The following ABCB10 variants were observed in gnomAD, a reference collection of about 807,000 sequenced individuals.
ABCB10 encodes ATP-binding cassette sub-family B member 10, mitochondrial.
A neutral mutation model predicts 65.4 loss-of-function variants in ABCB10; 54 were observed. That is an observed-to-expected ratio of 0.83 (90% CI 0.66 to 1.04). ABCB10 has a LOEUF of 1.04. ABCB10 is among the 50% of genes least tolerant of loss of function. The probability of loss-of-function intolerance (pLI) is 0.00; values close to 1 mark genes in which losing one functional copy is unlikely to be tolerated. For missense variants in ABCB10, 846 were observed against 976.6 expected, an observed-to-expected ratio of 0.87 and a Z score of 1.78; for synonymous variants, 418 against 406.5, an observed-to-expected ratio of 1.03 and a Z score of -0.34.
intron 8 of ABCB10, 75 bp from the exon 9 acceptor site, chr1:229,527,383 G>A (rs576728886): frequency 5.2e-6 from 7 of 1,341,494 alleles, no homozygotes; most frequent in Non-Finnish European, 6.3e-6. Context: ...AGGATCCGGT[G>A]GGAAAATTCC....
chr1:229,523,648 C>T (rs185214305), intron 10 of ABCB10, among the ~76,000 whole-genome samples: 2 of 152,066 alleles, frequency 1.3e-5, no homozygotes, highest in African/African-American at 2.4e-5. Flanking sequence ...CCAATCAGTA[C>T]CCTGGGAATC....
At chr1:229,532,659 T>C (rs919220402) in intron 6 of ABCB10, among the ~76,000 whole-genome samples, 18 of 151,320 alleles carry the variant, frequency 1.2e-4, no homozygotes, top group Middle Eastern at 6.9e-3. Flanking sequence ...GGTGGGAGGA[T>C]TGCTAGAGCC....
chr1:229,526,769 C>A (rs1662455243), intron 9 of ABCB10, among the ~76,000 whole-genome samples: 1 of 152,242 alleles, frequency 6.6e-6, no homozygotes, highest in African/African-American at 2.4e-5. Context: ...ATCAAAGTGA[C>A]CACATTACAT....
At position 229,547,026 on chromosome 1, in the gene ABCB10, G is replaced by A. The variant is rs1244881399; in HGVS notation, c.921+473C>T. ...AGCACTGGGCTGAATAGAAATACTG[G>A]TTGAAGAGGTAAGGCAAGCAGACAG... On this transcript the variant is annotated intron_variant, in intron 3 of 12. Transcript: ENST00000344517. Among the ~76,000 whole-genome samples the A allele has an allele frequency of 2.6e-5, 4 of 152,174 alleles. No homozygotes were observed. The South Asian group carries it at 6.2e-4, about 24-fold the overall frequency.
At chr1:229,555,817 AT>A (rs945267201) in intron 1 of ABCB10, among the ~76,000 whole-genome samples, 67 of 151,284 alleles carry the variant, frequency 4.4e-4, no homozygotes, top group African/African-American at 8.2e-4. Context: ...TAAATTACAC[AT>A]TTTTTTTTAA....
chr1:229,524,906 T>G (rs1022916294), intron 10 of ABCB10, among the ~76,000 whole-genome samples: 1 of 151,522 alleles, frequency 6.6e-6, no homozygotes, highest in Admixed American at 6.6e-5. Flanking sequence ...CAGGCTGGAG[T>G]GCAATGGCAC....
chr1:229,531,860 C>T (rs1343814214), intron 6 of ABCB10, 129 bp from the exon 7 acceptor site: 2 of 591,856 alleles, frequency 3.4e-6, no homozygotes, highest in East Asian at 6.9e-5. Flanking sequence ...CAAAAAACAA[C>T]TTGAGGCAGC....
At chr1:229,521,120 G>A (rs1465975088) in intron 11 of ABCB10, among the ~76,000 whole-genome samples, 1 of 151,890 alleles carries the variant, frequency 6.6e-6, no homozygotes, top group Admixed American at 6.5e-5. Flanking sequence ...TATAACAAAG[G>A]GAAGGCTATT....
intron 11 of ABCB10, among the ~76,000 whole-genome samples, chr1:229,520,513 CAA>C (rs35593030): frequency 2.1e-3 from 271 of 126,526 alleles, no homozygotes; most frequent in African/African-American, 6.3e-3. Context: ...CACATGAGAC[CAA>C]AAAAAAAAAA....
Position 229,518,217 on chromosome 1 carries a change from T to C in ABCB10, c.2179A>G (p.Arg727Gly). 6.2e-7 allele frequency: 1 copy of C among 1,614,196 alleles called. No individual in the cohort carries two copies. Among genetic ancestry groups the C allele is most frequent in the Non-Finnish European group, 8.5e-7 (1 of 1,180,008 alleles). ...ELLSKPNGIY[R>G]KLMNKQSFIS... ...AAACTTTGTTTGTTCATTAGTTTTC[T>C]GTATATCCCATTTGGTTTTGAAAGC... is the stretch of plus-strand genomic sequence containing the variant. Residue 727 changes from arginine (R) to glycine (G), a missense_variant, in exon 13 of 13, where the codon AGA becomes GGA. Arg to Gly is a moderately radical substitution (Grantham distance 125). Around this residue, in one of 2 missense-constraint regions of ABCB10, gnomAD observed 632 missense variants for 803.2 expected, o/e 0.79. Coordinates refer to ENST00000344517, the MANE Select transcript of ABCB10 (RefSeq NM_012089.3).
rs767016573 is a variant in ABCB10, at chr1:229,539,550, G to A, written c.1245C>T (p.Tyr415=). 6.2e-7 allele frequency: 1 copy of A among 1,614,096 alleles called. No individual in the cohort carries two copies. The highest frequency in any genetic ancestry group is 8.5e-7 in the Non-Finnish European group (1 of 1,180,006). Residue 415 remains tyrosine, a synonymous_variant, in exon 6 of 13, where the codon TAC becomes TAT. Coordinates refer to ENST00000344517, the MANE Select transcript of ABCB10 (RefSeq NM_012089.3). ...CACTGCCCATCAGCAGCCCTCCTTT[G>A]TACAGGACAGAAAGCACGATCAGGT... The part of the protein sequence containing the change: ...SGNLIVLSVL[Y]KGGLLMGSAH...
At position 229,551,962 on chromosome 1, in the gene ABCB10, A is replaced by C. The variant is rs114291581; in HGVS notation, c.518-2528T>G. Among the ~76,000 whole-genome samples the C allele has an allele frequency of 9.1e-3, 1,390 of 152,322 alleles. 20 individuals carry two copies. Among genetic ancestry groups the C allele is most frequent in the African/African-American group, 0.032 (1,314 of 41,562 alleles). ...CTTCCCTCCTCCTCTAGTTTTCTAA[A>C]TCAGTTATGATTCTACAATACGAAT... On this transcript the variant is annotated intron_variant, in intron 1 of 12. Transcript: ENST00000344517.
At chr1:229,552,456 G>T (rs1332080932) in intron 1 of ABCB10, among the ~76,000 whole-genome samples, 2 of 152,144 alleles carry the variant, frequency 1.3e-5, no homozygotes, top group African/African-American at 4.8e-5. Context: ...TCTATTTCTT[G>T]ACAGATACCT....
intron 4 of ABCB10, among the ~76,000 whole-genome samples, 170 bp downstream of exon 4, chr1:229,542,067 T>G (rs778448987): frequency 6.6e-6 from 1 of 152,130 alleles, no homozygotes; most frequent in Non-Finnish European, 1.5e-5. Flanking sequence ...AGAAATCTAG[T>G]CTAGAAAACA....
intron 6 of ABCB10, among the ~76,000 whole-genome samples, chr1:229,532,095 G>C (rs1483762493): frequency 6.6e-6 from 1 of 151,964 alleles, no homozygotes; most frequent in Non-Finnish European, 1.5e-5. Flanking sequence ...TGGGATTACA[G>C]GCGCAAGCCA....
intron 1 of ABCB10, among the ~76,000 whole-genome samples, chr1:229,556,720 C>G (rs1016180239): frequency 1.3e-5 from 2 of 152,132 alleles, no homozygotes; most frequent in African/African-American, 4.8e-5. Context: ...CAAAACAGAA[C>G]TGGATTTCCT....
intron 4 of ABCB10, 86 bp from the exon 5 acceptor site, chr1:229,540,838 T>G: frequency 7.0e-7 from 1 of 1,433,404 alleles, no homozygotes; most frequent in Non-Finnish European, 9.3e-7. Flanking sequence ...TGGTTCTCAT[T>G]TTGTTATTCA....
chr1:229,547,765 C>A, intron 2 of ABCB10, 64 bp from the exon 3 acceptor site: 2 of 1,530,572 alleles, frequency 1.3e-6, no homozygotes, highest in Non-Finnish European at 1.8e-6. Context: ...TATGGGGCAG[C>A]CACTTACTGT....
At chr1:229,521,473 G>GAAA in intron 11 of ABCB10, 119 bp downstream of exon 11, 62 of 967,164 alleles carry the variant, frequency 6.4e-5, no homozygotes, top group Admixed American at 9.2e-5. Context: ...CCCACTCCAA[G>GAAA]AAAAAAAAAA....
Sources: allele counts gnomAD v4.1 joint callset (sites outside exome capture counted in the v4.1 genomes callset), GRCh38; gene constraint gnomAD v4.1.1; regional missense constraint gnomAD v4.1.1; transcripts MANE v1.5; gene names NCBI Gene and HGNC (gene_info 2026-07-23, HGNC 2026-07-21).